The following SLC2A13 variants were observed in gnomAD, a reference collection of about 807,000 sequenced individuals.
SLC2A13 encodes proton myo-inositol cotransporter.
A neutral mutation model predicts 64.4 loss-of-function variants in SLC2A13; 32 were observed. The observed-to-expected ratio is 0.50, with a 90% CI of 0.37 to 0.67. The LOEUF (loss-of-function observed/expected upper bound fraction) is 0.67, where lower values mean the gene tolerates loss of function less well. SLC2A13 is among the 30% of genes least tolerant of loss of function. The probability of loss-of-function intolerance (pLI) is 0.00; values close to 1 mark genes in which losing one functional copy is unlikely to be tolerated. For synonymous variants in SLC2A13, 338 were observed against 327.1 expected (o/e 1.03, Z -0.36); for missense variants, 743 against 829.2 (o/e 0.90, Z 1.28).
chr12:40,057,432 T>C (rs1010510358), intron 1 of SLC2A13, among the ~76,000 whole-genome samples: 7 of 152,078 alleles, frequency 4.6e-5, no homozygotes, highest in African/African-American at 1.7e-4. Flanking sequence ...AGCTTGTCCA[T>C]AAAGTAATAA....
intron 1 of SLC2A13, among the ~76,000 whole-genome samples, chr12:40,062,632 A>G (rs983836270): frequency 2.6e-5 from 4 of 152,052 alleles, no homozygotes; most frequent in African/African-American, 9.7e-5. Flanking sequence ...AAGCTTCCAT[A>G]TTTCTAGAAG....
chr12:39,951,352 G>C lies in SLC2A13; in HGVS notation c.939C>G (p.Ile313Met), dbSNP rs200179863. 15 of 1,583,144 alleles carry C rather than the reference G, an allele frequency of 9.5e-6. No homozygotes were observed. In the East Asian group the frequency reaches 2.7e-4, roughly 29 times the overall value. ...TTGGGGGATAACTCAGCATTCTGCA[G>C]ATCACAGGTCCAGCTTTTTTAAGAA... ...EKEVGSAGPV[I>M]CRMLSYPPTR... The change falls in exon 4 of 10, where the codon ATC becomes ATG. Residue 313 changes from isoleucine to methionine, a missense_variant. Ile to Met is a conservative substitution (Grantham distance 10, BLOSUM62 1). Transcript: ENST00000280871.
chr12:39,870,677 C>T (rs1048660104), intron 5 of SLC2A13, among the ~76,000 whole-genome samples: 1 of 152,122 alleles, frequency 6.6e-6, no homozygotes, highest in Non-Finnish European at 1.5e-5. Flanking sequence ...TGGCTGTTGG[C>T]AATCATGTTT....
intron 4 of SLC2A13, among the ~76,000 whole-genome samples, chr12:39,911,367 G>A (rs1334012737): frequency 6.6e-6 from 1 of 151,898 alleles, no homozygotes; most frequent in Admixed American, 6.6e-5. Context: ...TTGTTGTTTG[G>A]TCACTAAATG....
intron 3 of SLC2A13, among the ~76,000 whole-genome samples, chr12:39,978,837 T>C (rs1483193289): frequency 9.9e-5 from 15 of 151,772 alleles, no homozygotes; most frequent in Admixed American, 9.2e-4. Context: ...CAAGGAGGCC[T>C]GCCTGCCTCT....
At chr12:39,897,229 A>G (rs1944947088) in intron 4 of SLC2A13, among the ~76,000 whole-genome samples, 1 of 152,192 alleles carries the variant, frequency 6.6e-6, no homozygotes, top group African/African-American at 2.4e-5. Context: ...TGAAACCTAC[A>G]TGACTAGCAC....
At chr12:39,936,748 A>G (rs550300928) in intron 4 of SLC2A13, among the ~76,000 whole-genome samples, 2 of 152,278 alleles carry the variant, frequency 1.3e-5, no homozygotes, top group East Asian at 3.9e-4. Context: ...AACTGGCCAC[A>G]TGCATCATTG....
chr12:40,016,448 G>A lies in SLC2A13; in HGVS notation c.925+11853C>T, dbSNP rs578142458. 2.0e-5 allele frequency among the ~76,000 whole-genome samples: 3 copies of A among 152,250 alleles called. No individual in the cohort carries two copies. In the East Asian group the frequency reaches 5.8e-4, roughly 29 times the overall value. On this transcript the variant is annotated intron_variant, in intron 3 of 9. Coordinates refer to ENST00000280871, the MANE Select transcript of SLC2A13 (RefSeq NM_052885.4). The stretch of plus-strand genomic sequence containing the variant: ...TATATAAATATAAACTAGCTAATGA[G>A]AGTAGCAGAAACAAAACAAACACCA...
intron 4 of SLC2A13, among the ~76,000 whole-genome samples, chr12:39,904,082 T>C (rs1176430976): frequency 6.6e-6 from 1 of 152,032 alleles, no homozygotes; most frequent in Non-Finnish European, 1.5e-5. Context: ...AGAGCAAAGG[T>C]CACAGGTTCA....
intron 4 of SLC2A13, among the ~76,000 whole-genome samples, chr12:39,912,499 G>A (rs1339627538): frequency 6.6e-6 from 1 of 152,022 alleles, no homozygotes; most frequent in African/African-American, 2.4e-5. Flanking sequence ...TGGGGAAGCA[G>A]GAAGAAGTTA....
At chr12:39,925,559 T>C (rs567412611) in intron 4 of SLC2A13, among the ~76,000 whole-genome samples, 1 of 152,274 alleles carries the variant, frequency 6.6e-6, no homozygotes, top group Admixed American at 6.5e-5. Flanking sequence ...ACTTTAAAAA[T>C]ATATCAAATA....
chr12:39,871,121 A>G (rs1390284023), intron 5 of SLC2A13, among the ~76,000 whole-genome samples: 1 of 152,208 alleles, frequency 6.6e-6, no homozygotes, highest in Non-Finnish European at 1.5e-5. Context: ...ATGTAAAATC[A>G]ATGTTAAATA....
chr12:40,064,621 G>A (rs947095647), intron 1 of SLC2A13, among the ~76,000 whole-genome samples: 1 of 152,232 alleles, frequency 6.6e-6, no homozygotes, highest in South Asian at 2.1e-4. Flanking sequence ...ATCCTTCACA[G>A]GCAAGCTACA....
rs373394173 is a variant in SLC2A13 at position 39,755,582 on chromosome 12, G to A, written c.*4444C>T. ...CTCTTCTTTTTTAACCTTTAAATGA[G>A]ATGGAATAATGTTGTTTGCTAAAAC... On this transcript the variant is annotated 3_prime_UTR_variant, in exon 10 of 10. Transcript: ENST00000280871. The A allele has an allele frequency of 2.0e-5, 3 of 152,116 alleles. No homozygotes were observed. The highest frequency in any genetic ancestry group is 2.4e-5 in the African/African-American group (1 of 41,542). 9.4% of individuals were successfully genotyped at this position (152,116 alleles called of 1,614,324 possible).
intron 4 of SLC2A13, among the ~76,000 whole-genome samples, chr12:39,892,195 A>G (rs1292093317): frequency 6.6e-6 from 1 of 152,196 alleles, no homozygotes; most frequent in Non-Finnish European, 1.5e-5. Context: ...AGCCATAGCT[A>G]TATTTCTGTA....
intron 7 of SLC2A13, among the ~76,000 whole-genome samples, chr12:39,825,103 C>G (rs932918669): frequency 1.3e-5 from 2 of 152,108 alleles, no homozygotes; most frequent in African/African-American, 4.8e-5. Flanking sequence ...AATAGGGAAT[C>G]TATCTAGCTA....
intron 1 of SLC2A13, among the ~76,000 whole-genome samples, chr12:40,100,379 G>T (rs1490835278): frequency 6.6e-6 from 1 of 152,156 alleles, no homozygotes; most frequent in Non-Finnish European, 1.5e-5. Context: ...ATAAGCAGTA[G>T]AATAAATGCC....
intron 3 of SLC2A13, among the ~76,000 whole-genome samples, chr12:40,023,195 CT>C (rs1469647123): frequency 6.6e-6 from 1 of 152,198 alleles, no homozygotes; most frequent in Non-Finnish European, 1.5e-5. Flanking sequence ...GTTGTTCATG[CT>C]TTTGTTGTTC....
intron 1 of SLC2A13, among the ~76,000 whole-genome samples, chr12:40,074,854 G>A (rs926653217): frequency 6.6e-6 from 1 of 152,178 alleles, no homozygotes; most frequent in Non-Finnish European, 1.5e-5. Flanking sequence ...TCAAGCTTTA[G>A]TGAGGCTGTG....
Sources: gnomAD v4.1 joint callset for allele counts (sites outside exome capture counted in the v4.1 genomes callset) on GRCh38, gnomAD v4.1.1 for gene constraint, MANE v1.5 for transcripts, NCBI Gene and HGNC (gene_info 2026-07-23, HGNC 2026-07-21) for gene names.